The following IDI1 variants were observed in gnomAD, a reference collection of about 807,000 sequenced individuals.
The protein encoded by IDI1 is isopentenyl-diphosphate Delta-isomerase 1.
IDI1 carries 23 observed loss-of-function variants against 32.9 expected under a neutral mutation model. That is an observed-to-expected ratio of 0.70 (90% CI 0.50 to 0.99). The LOEUF is 0.99. Among genes scored for constraint, IDI1 ranks in the 50% least tolerant of loss-of-function variants. The pLI is 0.00. For synonymous variants in IDI1, 133 were observed against 128.2 expected, an observed-to-expected ratio of 1.04 and a Z score of -0.25; for missense variants, 326 against 351.9, an observed-to-expected ratio of 0.93 and a Z score of 0.59.
At chr10:1,041,879 C>T (rs1323013547) in intron 4 of IDI1, among the ~76,000 whole-genome samples, 1 of 149,942 alleles carries the variant, frequency 6.7e-6, no homozygotes, top group African/African-American at 2.5e-5. Flanking sequence ...GATCTCAGCT[C>T]ACTGCAACCT....
rs187708872 is a variant in IDI1 at position 1,040,445 on chromosome 10, G to A, written c.*742C>T. On this transcript the variant is annotated 3_prime_UTR_variant, in exon 5 of 5. Transcript: ENST00000381344. Reference sequence around the variant, plus strand: ...GTGTCAAGTTTAAGCAACTCTTACCGAGTGGGACTCAATTCCCATTTTATG... The same window carrying A: ...GTGTCAAGTTTAAGCAACTCTTACCAAGTGGGACTCAATTCCCATTTTATG... 3 of 152,236 alleles carry A rather than the reference G, an allele frequency of 2.0e-5. No individual in the cohort carries two copies. Among genetic ancestry groups the A allele is most frequent in the African/African-American group, 4.8e-5 (2 of 41,438 alleles). 9.4% of individuals were successfully genotyped at this position (152,236 alleles called of 1,614,324 possible). A position where few individuals can be genotyped will look rare whatever the true frequency, so the allele number is the denominator to read the frequency against.
At chr10:1,049,244 T>C (rs940199078), upstream of IDI1, 8 of 601,078 alleles carry the variant, frequency 1.3e-5, no homozygotes, top group Admixed American at 1.6e-4. Context: ...AATCACGCTT[T>C]CGATCCTGCC....
the IDI1 span, among the ~76,000 whole-genome samples, chr10:1,054,275 A>G: frequency 2.6e-5 from 4 of 152,244 alleles, no homozygotes; most frequent in African/African-American, 9.6e-5. Flanking sequence ...GATACACATG[A>G]AAACAGTTGT....
intron 1 of IDI1, among the ~76,000 whole-genome samples, chr10:1,045,944 C>T (rs1362506336): frequency 6.6e-6 from 1 of 151,538 alleles, no homozygotes; most frequent in Non-Finnish European, 1.5e-5. Flanking sequence ...ATATCTAATA[C>T]AAAAAATCTG....
chr10:1,056,173 G>A, the IDI1 span, among the ~76,000 whole-genome samples: 1 of 152,130 alleles, frequency 6.6e-6, no homozygotes, highest in Non-Finnish European at 1.5e-5. Context: ...ATGCTTTCAC[G>A]CTCTTGATTT....
At chr10:1,043,521 A>G in intron 2 of IDI1, 128 bp from the exon 3 acceptor site, 1 of 723,242 alleles carries the variant, frequency 1.4e-6, no homozygotes, top group Non-Finnish European at 2.6e-6. Flanking sequence ...GTTTATCCAC[A>G]TGCATAGTCT....
At position 1,044,187 on chromosome 10, in the gene IDI1, AAGAG is replaced by A; in HGVS notation, c.141-20_141-17del. ...TTCTAGAACACTAATATTAAAGGAA[AAGAG>A]AAAGAAAGGCCATCATATATTTTTC... On this transcript the variant is annotated splice_polypyrimidine_tract_variant and intron_variant, in intron 1 of 4. Coordinates refer to ENST00000381344, the MANE Select transcript of IDI1 (RefSeq NM_004508.4). 1 of 1,577,862 alleles carries A rather than the reference AAGAG, an allele frequency of 6.3e-7. No homozygotes were observed. The highest frequency in any genetic ancestry group is 8.6e-7 in the Non-Finnish European group (1 of 1,156,824).
At position 1,042,640 on chromosome 10, in the gene IDI1, A is replaced by G. The variant is rs776674889; in HGVS notation, c.529T>C (p.Leu177=). The G allele has an allele frequency of 8.1e-6, 13 of 1,613,900 alleles. No individual in the cohort carries two copies. Among genetic ancestry groups the G allele is most frequent in the Non-Finnish European group, 1.0e-5 (12 of 1,179,916 alleles). The change falls in exon 4 of 5, where the codon TTG becomes CTG. Residue 177 remains leucine, a synonymous_variant. Transcript: ENST00000381344. ...GTAGGAGAGCTGGTTACCTCTTCCA[A>G]GGGAATTCCTAGCTCAGCTTTCAGC... The part of the protein sequence containing the change: ...RRLKAELGIP[L]EEVPPEEINY...
In IDI1 at chr10:1,039,580, A is replaced by C. The variant is rs1832490595; in HGVS notation, c.*1607T>G. The C allele has an allele frequency of 6.6e-6, 1 of 152,228 alleles. No homozygotes were observed. The highest frequency in any genetic ancestry group is 1.5e-5 in the Non-Finnish European group (1 of 68,034). The allele number at this position is 152,228 out of a possible 1,614,324, so 9.4% of individuals were successfully genotyped here. A position where few individuals can be genotyped will look rare whatever the true frequency, so the allele number is the denominator to read the frequency against. ...ATCTAGGAGAGGGATACTCCTCTTT[A>C]TAAAAGATGAAGGAGTTCTAAGGAG... On this transcript the variant is annotated 3_prime_UTR_variant, in exon 5 of 5. Coordinates refer to ENST00000381344, the MANE Select transcript of IDI1 (RefSeq NM_004508.4).
intron 1 of IDI1, among the ~76,000 whole-genome samples, chr10:1,046,152 T>C (rs1250039832): frequency 2.6e-5 from 4 of 152,322 alleles, no homozygotes; most frequent in Non-Finnish European, 4.4e-5. Context: ...AAGTTTCAGA[T>C]ATAAAATGGC....
At chr10:1,056,015 G>A in the IDI1 span, among the ~76,000 whole-genome samples, 24 of 152,276 alleles carry the variant, frequency 1.6e-4, no homozygotes, top group Non-Finnish European at 2.6e-4. Context: ...CACCATGTTG[G>A]CCAGGCTGGT....
chr10:1,049,241 C>G (rs1451640952), upstream of IDI1: 2 of 606,378 alleles, frequency 3.3e-6, no homozygotes, highest in Non-Finnish European at 5.3e-6. Context: ...GCCAATCACG[C>G]TTTCGATCCT....
At chr10:1,054,230 A>G in the IDI1 span, among the ~76,000 whole-genome samples, 2 of 152,218 alleles carry the variant, frequency 1.3e-5, no homozygotes, top group Non-Finnish European at 2.9e-5. Flanking sequence ...TCCACTTTGT[A>G]AGAAACATAT....
intron 4 of IDI1, among the ~76,000 whole-genome samples, 193 bp from the exon 5 acceptor site, chr10:1,041,697 CATT>C (rs1832594057): frequency 6.7e-6 from 1 of 148,368 alleles, no homozygotes. Flanking sequence ...ATGATTACAT[CATT>C]AGTTTCAAGT....
At chr10:1,051,548 A>G (rs1472344039), upstream of IDI1, among the ~76,000 whole-genome samples, 4 of 152,238 alleles carry the variant, frequency 2.6e-5, no homozygotes, top group Non-Finnish European at 2.9e-5. Context: ...CGTTCCCACA[A>G]GTTCTTTTCC....
chr10:1,041,021 T>C lies in IDI1; in HGVS notation c.*166A>G. The C allele has an allele frequency of 1.9e-6, 1 of 516,440 alleles. No individual in the cohort carries two copies. Among genetic ancestry groups the C allele is most frequent in the Non-Finnish European group, 3.4e-6 (1 of 294,358 alleles). 32.0% of individuals were successfully genotyped at this position (516,440 alleles called of 1,614,324 possible). A position where few individuals can be genotyped will look rare whatever the true frequency, so the allele number is the denominator to read the frequency against. On this transcript the variant is annotated 3_prime_UTR_variant, in exon 5 of 5. Transcript: ENST00000381344. ...TGATACAAAATTATAAGTTAGTTTT[T>C]TCCACACAAGTTTTAAAGTATCAGT...
Position 1,049,052 on chromosome 10 carries a change from A to C in IDI1, c.-49T>G. ...CGCGCTTGACGACACAATCTCGCCA[A>C]GCTTCGCCTGGTGGTGCCACCTCCC... On this transcript the variant is annotated 5_prime_UTR_variant, in exon 1 of 5. Transcript: ENST00000381344. The C allele has an allele frequency of 6.9e-7, 1 of 1,448,440 alleles. No individual in the cohort carries two copies. Among genetic ancestry groups the C allele is most frequent in the East Asian group, 2.7e-5 (1 of 36,606 alleles). 89.7% of individuals were successfully genotyped at this position (1,448,440 alleles called of 1,614,324 possible). A position where few individuals can be genotyped will look rare whatever the true frequency, so the allele number is the denominator to read the frequency against.
In IDI1 at chr10:1,044,250, C is replaced by A. The variant is rs942090533; in HGVS notation, c.141-79G>T. 5.5e-6 allele frequency: 6 copies of A among 1,081,472 alleles called. No homozygotes were observed. The African/African-American group carries it at 9.4e-5, about 17-fold the overall frequency. 67.0% of individuals were successfully genotyped at this position (1,081,472 alleles called of 1,614,324 possible). A position where few individuals can be genotyped will look rare whatever the true frequency, so the allele number is the denominator to read the frequency against. The stretch of plus-strand genomic sequence containing the variant: ...ATATAAACACAGGTTAATAATGATG[C>A]TGCTTCCCCATCTGCAGTTGTACCA... On this transcript the variant is annotated intron_variant, in intron 1 of 4. Coordinates refer to ENST00000381344, the MANE Select transcript of IDI1 (RefSeq NM_004508.4).
chr10:1,052,308 G>A (rs1833035635), upstream of IDI1, among the ~76,000 whole-genome samples: 1 of 152,202 alleles, frequency 6.6e-6, no homozygotes, highest in Non-Finnish European at 1.5e-5. Context: ...TCCATCTCAA[G>A]AGACCACTTT....
Sources: allele counts gnomAD v4.1 joint callset (sites outside exome capture counted in the v4.1 genomes callset), GRCh38; gene constraint gnomAD v4.1.1; transcripts MANE v1.5; gene names NCBI Gene and HGNC (gene_info 2026-07-23, HGNC 2026-07-21).